Variants in GFOD1 observed in about 807,000 individuals in gnomAD.
GFOD1 encodes Gfo/Idh/MocA-like oxidoreductase domain containing 1, also known as glucose-fructose oxidoreductase domain-containing protein 1.
GFOD1 carries 9 observed loss-of-function variants against 25.4 expected under a neutral mutation model. The observed-to-expected ratio is 0.35, with a 90% CI of 0.21 to 0.62. The LOEUF (loss-of-function observed/expected upper bound fraction) is 0.62. Ranked by LOEUF, GFOD1 falls within the 20% of genes least tolerant of loss-of-function variation. The pLI is 0.72. For synonymous variants in GFOD1, 253 were observed against 245.6 expected (o/e 1.03, Z -0.28); for missense variants, 403 against 556.9 (o/e 0.72, Z 2.78).
At chr6:13,475,674 C>G (rs543252438) in intron 1 of GFOD1, among the ~76,000 whole-genome samples, 1 of 150,722 alleles carries the variant, frequency 6.6e-6, no homozygotes, top group African/African-American at 2.4e-5. Flanking sequence ...GCCGAGATTA[C>G]GCCATTGCAC....
At chr6:13,418,802 A>C (rs1220763798) in intron 1 of GFOD1, among the ~76,000 whole-genome samples, 3 of 152,208 alleles carry the variant, frequency 2.0e-5, no homozygotes, top group Non-Finnish European at 2.9e-5. Context: ...GCCAACGGCA[A>C]TTCCAGAATT....
intron 1 of GFOD1, among the ~76,000 whole-genome samples, chr6:13,385,347 A>C (rs2127559685): frequency 6.6e-6 from 1 of 152,336 alleles, no homozygotes; most frequent in African/African-American, 2.4e-5. Flanking sequence ...TCTGTAACAT[A>C]AAAGTACCAT....
chr6:13,434,084 G>C (rs1385093774), intron 1 of GFOD1, among the ~76,000 whole-genome samples: 1 of 152,220 alleles, frequency 6.6e-6, no homozygotes, highest in African/African-American at 2.4e-5. Context: ...AGGCCACAAT[G>C]GGAACGGGGA....
intron 1 of GFOD1, among the ~76,000 whole-genome samples, chr6:13,426,741 C>G (rs1786359741): frequency 6.6e-6 from 1 of 152,168 alleles, no homozygotes; most frequent in Admixed American, 6.5e-5. Flanking sequence ...AATGCAGGAC[C>G]TTATGAGCAG....
chr6:13,470,793 A>T (rs1758485952), intron 1 of GFOD1, among the ~76,000 whole-genome samples: 1 of 152,164 alleles, frequency 6.6e-6, no homozygotes, highest in Non-Finnish European at 1.5e-5. Flanking sequence ...TACAGTCAAG[A>T]GACATTCTGT....
chr6:13,486,781 TCCTGCGTG>T lies in GFOD1; in HGVS notation c.102_109del (p.Thr35ArgfsTer16). The T allele has an allele frequency of 6.2e-7, 1 of 1,614,114 alleles. No homozygotes were observed. The highest frequency in any genetic ancestry group is 8.5e-7 in the Non-Finnish European group (1 of 1,180,018). On this transcript the variant is annotated frameshift_variant, in exon 1 of 2. Transcript: ENST00000379287. LOFTEE classifies it high-confidence loss of function. ...CTCCTTGGCCAGCTCCTCCGCTTCT[TCCTGCGTG>T]CGGCCCCACAGCGCCTTCACCGCGA...
At chr6:13,407,396 C>T (rs1785966004) in intron 1 of GFOD1, among the ~76,000 whole-genome samples, 1 of 152,172 alleles carries the variant, frequency 6.6e-6, no homozygotes, top group South Asian at 2.1e-4. Flanking sequence ...ATCTTACACC[C>T]CTACCAGCTC....
At chr6:13,433,662 TG>T (rs1197145708) in intron 1 of GFOD1, among the ~76,000 whole-genome samples, 1 of 151,894 alleles carries the variant, frequency 6.6e-6, no homozygotes, top group Non-Finnish European at 1.5e-5. Context: ...GGGGTTGGGG[TG>T]GGGGAAGTTT....
intron 1 of GFOD1, among the ~76,000 whole-genome samples, chr6:13,441,620 A>C (rs1222336039): frequency 6.6e-6 from 1 of 152,234 alleles, no homozygotes; most frequent in African/African-American, 2.4e-5. Context: ...TTGCACTTAA[A>C]GTATATTGAG....
chr6:13,379,521 G>C (rs1308747830), intron 1 of GFOD1, among the ~76,000 whole-genome samples: 1 of 152,162 alleles, frequency 6.6e-6, no homozygotes, highest in African/African-American at 2.4e-5. Context: ...CTATCACCCA[G>C]CACCAGCACC....
intron 1 of GFOD1, among the ~76,000 whole-genome samples, chr6:13,376,974 G>A (rs904083779): frequency 1.3e-5 from 2 of 151,446 alleles, no homozygotes; most frequent in Non-Finnish European, 2.9e-5. Flanking sequence ...AAGGTGGGTT[G>A]TGCTTTAGTG....
In GFOD1 at chr6:13,364,912, G is replaced by C. The variant is rs780511803; in HGVS notation, c.1004C>G (p.Ala335Gly). The change falls in exon 2 of 2, where the codon GCC becomes GGC. Residue 335 changes from alanine (A) to glycine (G), a missense_variant. Transcript: ENST00000379287. This position sits in a 1 kb window ranked among gnomAD's most constrained non-coding sequence, Gnocchi z 4.1. ...TWDGRPLTMAATFDDCLYALC... is the reference protein window; with the variant it reads ...TWDGRPLTMAGTFDDCLYALC... The stretch of plus-strand genomic sequence containing the variant: ...GGCATACAGGCAGTCGTCGAAGGTG[G>C]CGGCCATGGTGAGGGGCCGCCCATC... 1 of 1,613,262 alleles carries C rather than the reference G, an allele frequency of 6.2e-7. No individual in the cohort carries two copies. Among genetic ancestry groups the C allele is most frequent in the Non-Finnish European group, 8.5e-7 (1 of 1,180,014 alleles).
chr6:13,470,468 C>A (rs1758475653), intron 1 of GFOD1: 2 of 1,550,110 alleles, frequency 1.3e-6, no homozygotes, highest in Admixed American at 2.0e-5. Flanking sequence ...GGGCTTGAAA[C>A]CTGTCCCCTG....
At chr6:13,419,860 C>T (rs764153331) in intron 1 of GFOD1, among the ~76,000 whole-genome samples, 5 of 152,238 alleles carry the variant, frequency 3.3e-5, no homozygotes, top group Admixed American at 6.5e-5. Context: ...GTCCCCTCTT[C>T]GGATAGCCCT....
At chr6:13,441,219 G>A (rs1458627490) in intron 1 of GFOD1, among the ~76,000 whole-genome samples, 1 of 152,178 alleles carries the variant, frequency 6.6e-6, no homozygotes, top group Non-Finnish European at 1.5e-5. Context: ...AGGTGCATGA[G>A]GGTCCACCCT....
At chr6:13,366,749 A>G (rs1484051470) in intron 1 of GFOD1, among the ~76,000 whole-genome samples, 1 of 152,002 alleles carries the variant, frequency 6.6e-6, no homozygotes, top group Non-Finnish European at 1.5e-5. Context: ...CTACCCTCTA[A>G]GTCCCCAAAG....
chr6:13,421,594 A>G (rs1228542824), intron 1 of GFOD1, among the ~76,000 whole-genome samples: 2 of 152,132 alleles, frequency 1.3e-5, no homozygotes, highest in Non-Finnish European at 2.9e-5. Flanking sequence ...CCCAACCTCT[A>G]TATTTGACAA....
At chr6:13,477,180 TAGTC>T (rs1318477855) in intron 1 of GFOD1, among the ~76,000 whole-genome samples, 2 of 149,958 alleles carry the variant, frequency 1.3e-5, no homozygotes, top group East Asian at 3.9e-4. Context: ...AAATCTGTAT[TAGTC>T]AGGGTTCACC....
At chr6:13,479,038 T>C (rs1758690723) in intron 1 of GFOD1, among the ~76,000 whole-genome samples, 1 of 150,956 alleles carries the variant, frequency 6.6e-6, no homozygotes, top group Non-Finnish European at 1.5e-5. Context: ...CACCTGAAGC[T>C]TGGCTTAGGT....
Sources: allele counts gnomAD v4.1 joint callset (sites outside exome capture counted in the v4.1 genomes callset), GRCh38; gene constraint gnomAD v4.1.1; non-coding constraint Gnocchi (gnomAD v3.1); transcripts MANE v1.5; gene names NCBI Gene and HGNC (gene_info 2026-07-23, HGNC 2026-07-21).